The following STXBP6 variants were observed in gnomAD, a reference collection of about 807,000 sequenced individuals.
STXBP6 encodes syntaxin binding protein 6, also known as syntaxin-binding protein 6.
STXBP6 carries 21 observed loss-of-function variants against 26.9 expected under a neutral mutation model. The observed-to-expected ratio is 0.78, with a 90% CI of 0.55 to 1.12. The LOEUF (loss-of-function observed/expected upper bound fraction) is 1.12, where lower values mean the gene tolerates loss of function less well. Among genes scored for constraint, STXBP6 ranks in the 50% most tolerant of loss-of-function variants. STXBP6 has a pLI of 0.00. For synonymous variants in STXBP6, 97 were observed against 92.6 expected, an observed-to-expected ratio of 1.05 and a Z score of -0.27; for missense variants, 232 against 257.9, an observed-to-expected ratio of 0.90 and a Z score of 0.69.
chr14:24,945,570 AAAAAC>A (rs571075931), intron 2 of STXBP6, among the ~76,000 whole-genome samples: 4 of 151,998 alleles, frequency 2.6e-5, no homozygotes, highest in Non-Finnish European at 4.4e-5. Flanking sequence ...ACCCTGTCTC[AAAAAC>A]AAAACAAAAC....
chr14:24,916,735 T>C, intron 2 of STXBP6, among the ~76,000 whole-genome samples: 1 of 152,106 alleles, frequency 6.6e-6, no homozygotes, highest in East Asian at 1.9e-4. Flanking sequence ...GTGTGATCCA[T>C]GGATCAACAG....
At chr14:24,928,295 G>T (rs1265799576) in intron 2 of STXBP6, among the ~76,000 whole-genome samples, 2 of 152,012 alleles carry the variant, frequency 1.3e-5, no homozygotes, top group African/African-American at 2.4e-5. Flanking sequence ...GAATATACTG[G>T]GATATAGAAA....
chr14:24,846,724 G>C (rs1437905563), intron 4 of STXBP6, among the ~76,000 whole-genome samples: 1 of 152,148 alleles, frequency 6.6e-6, no homozygotes, highest in African/African-American at 2.4e-5. Context: ...TAGGTACACT[G>C]CAGGTAGAAG....
chr14:24,890,462 G>A (rs1247636900), intron 2 of STXBP6, among the ~76,000 whole-genome samples: 1 of 152,008 alleles, frequency 6.6e-6, no homozygotes, highest in Non-Finnish European at 1.5e-5. Context: ...GGTGGAGGAG[G>A]ATCATGCATG....
chr14:24,851,967 G>A (rs11847232), intron 4 of STXBP6, among the ~76,000 whole-genome samples: 3,529 of 152,210 alleles, frequency 0.023, 120 homozygotes, highest in African/African-American at 0.08. Flanking sequence ...TAAGCCTTGA[G>A]AGAGATATGG....
intron 2 of STXBP6, among the ~76,000 whole-genome samples, chr14:24,964,488 C>T (rs764668410): frequency 2.0e-5 from 3 of 152,212 alleles, no homozygotes; most frequent in Non-Finnish European, 4.4e-5. Context: ...CTCTCCCTCC[C>T]TGTCTCTTCT....
At chr14:24,893,538 C>A (rs1162841152) in intron 2 of STXBP6, among the ~76,000 whole-genome samples, 1 of 152,040 alleles carries the variant, frequency 6.6e-6, no homozygotes, top group Non-Finnish European at 1.5e-5. Flanking sequence ...AGGTAACAGG[C>A]AATATATATA....
chr14:24,876,304 T>C (rs1189135129), intron 2 of STXBP6, among the ~76,000 whole-genome samples: 2 of 152,202 alleles, frequency 1.3e-5, no homozygotes, highest in Non-Finnish European at 2.9e-5. Context: ...GGCCAAGAAT[T>C]CTGGATACTC....
chr14:24,898,059 A>C (rs1344586693), intron 2 of STXBP6, among the ~76,000 whole-genome samples: 1 of 152,230 alleles, frequency 6.6e-6, no homozygotes, highest in Non-Finnish European at 1.5e-5. Flanking sequence ...TTTAGCAATC[A>C]GAGCTGCTGA....
intron 2 of STXBP6, among the ~76,000 whole-genome samples, chr14:24,858,382 C>T (rs2139196004): frequency 6.6e-6 from 1 of 152,214 alleles, no homozygotes; most frequent in South Asian, 2.1e-4. Context: ...GCACTGAAAA[C>T]CACCTTTATG....
intron 1 of STXBP6, among the ~76,000 whole-genome samples, chr14:25,013,813 C>T (rs1473705765): frequency 6.6e-6 from 1 of 150,644 alleles, no homozygotes; most frequent in East Asian, 1.9e-4. Context: ...ACTGAAGAGG[C>T]ATGTCAATCA....
chr14:25,029,735 C>T lies in STXBP6; in HGVS notation c.-33+20143G>A, dbSNP rs181220158. On this transcript the variant is annotated intron_variant, in intron 1 of 5. Coordinates refer to ENST00000323944, the MANE Select transcript of STXBP6 (RefSeq NM_001394410.1). ...TCCCTGAGAAAATGGTAGGTGCTTT[C>T]CCTCCTGAAAAGACTTACCACATAA... is the stretch of plus-strand genomic sequence containing the variant. Among the ~76,000 whole-genome samples the T allele has an allele frequency of 2.6e-5, 4 of 152,198 alleles. No homozygotes were observed. In the East Asian group the frequency reaches 7.7e-4, roughly 29 times the overall value.
At chr14:24,856,955 C>A in intron 3 of STXBP6, 72 bp downstream of exon 3, 2 of 1,534,856 alleles carry the variant, frequency 1.3e-6, no homozygotes, top group South Asian at 1.3e-5. Flanking sequence ...CCACCACTAC[C>A]ACTACCAAGG....
chr14:25,049,456 G>A lies in STXBP6; in HGVS notation c.-33+422C>T. ...GTGATTCGCGGATTTCTGCGCTCAA[G>A]CTAGAGGCGCAGCGACCCCGAGCTC... On this transcript the variant is annotated intron_variant, in intron 1 of 5. Coordinates refer to ENST00000323944, the MANE Select transcript of STXBP6 (RefSeq NM_001394410.1). The surrounding 1 kb of genome is among the most constrained non-coding windows in gnomAD (Gnocchi z 5.6). 2.0e-6 allele frequency: 2 copies of A among 985,326 alleles called. No individual in the cohort carries two copies. Among genetic ancestry groups the A allele is most frequent in the Non-Finnish European group, 2.4e-6 (2 of 829,918 alleles). 61.0% of individuals were successfully genotyped at this position (985,326 alleles called of 1,614,324 possible).
chr14:25,047,012 G>A (rs554164266), intron 1 of STXBP6, among the ~76,000 whole-genome samples: 2 of 152,304 alleles, frequency 1.3e-5, no homozygotes, highest in Non-Finnish European at 2.9e-5. Context: ...TGTACTTCAT[G>A]CTCCTTCCAG....
At chr14:24,985,568 T>C (rs2074309804) in intron 1 of STXBP6, among the ~76,000 whole-genome samples, 1 of 152,242 alleles carries the variant, frequency 6.6e-6, no homozygotes, top group African/African-American at 2.4e-5. Flanking sequence ...CCACTTTTTC[T>C]GGGCCTTCTA....
At chr14:24,895,478 C>CT (rs752214925) in intron 2 of STXBP6, among the ~76,000 whole-genome samples, 2 of 152,196 alleles carry the variant, frequency 1.3e-5, no homozygotes, top group Non-Finnish European at 2.9e-5. Flanking sequence ...ATAACTTTCT[C>CT]TTCTGTTAAG....
intron 1 of STXBP6, among the ~76,000 whole-genome samples, chr14:25,005,908 G>C (rs533214551): frequency 6.6e-6 from 1 of 152,172 alleles, no homozygotes; most frequent in Admixed American, 6.5e-5. Context: ...GCCCATAAGA[G>C]CTGGCCTAAC....
At chr14:24,916,438 T>G (rs910763682) in intron 2 of STXBP6, among the ~76,000 whole-genome samples, 4 of 152,122 alleles carry the variant, frequency 2.6e-5, no homozygotes, top group Non-Finnish European at 4.4e-5. Flanking sequence ...CACATAAATT[T>G]GGTCTTTGCA....
Sources: gnomAD v4.1 joint callset for allele counts (sites outside exome capture counted in the v4.1 genomes callset) on GRCh38, gnomAD v4.1.1 for gene constraint, Gnocchi (gnomAD v3.1) non-coding constraint, MANE v1.5 for transcripts, NCBI Gene and HGNC (gene_info 2026-07-23, HGNC 2026-07-21) for gene names.